Variants in TXLNB observed in about 807,000 individuals in gnomAD.
TXLNB encodes beta-taxilin.
In TXLNB, 37 loss-of-function variants were observed where a neutral mutation model predicts 57.4. The observed-to-expected ratio is 0.64, with a 90% CI of 0.50 to 0.85. TXLNB has a LOEUF of 0.85. Ranked by LOEUF, TXLNB falls within the 40% of genes least tolerant of loss-of-function variation. The pLI, the probability that TXLNB is intolerant of heterozygous loss-of-function variation, is 0.00. For missense variants in TXLNB, 848 were observed against 825.6 expected (o/e 1.03, Z -0.33); for synonymous variants, 302 against 309.6 (o/e 0.98, Z 0.26).
chr6:139,297,187 C>T, the TXLNB span, among the ~76,000 whole-genome samples: 1 of 152,256 alleles, frequency 6.6e-6, no homozygotes, highest in Non-Finnish European at 1.5e-5. Flanking sequence ...CTTCTGGCTT[C>T]CCTAACATTA....
At chr6:139,307,872 A>ATCC in the TXLNB span, among the ~76,000 whole-genome samples, 1 of 152,236 alleles carries the variant, frequency 6.6e-6, no homozygotes, top group Non-Finnish European at 1.5e-5. Flanking sequence ...ATTGATTTTT[A>ATCC]TCCAGACGTG....
the TXLNB span, among the ~76,000 whole-genome samples, chr6:139,221,289 G>A: frequency 6.6e-6 from 1 of 151,582 alleles, no homozygotes; most frequent in Middle Eastern, 3.4e-3. Context: ...TTTTAGTTGG[G>A]ACCCTCAAAC....
the TXLNB span, among the ~76,000 whole-genome samples, chr6:139,230,950 A>C: frequency 1.3e-5 from 2 of 152,164 alleles, no homozygotes; most frequent in African/African-American, 2.4e-5. Context: ...GCATATAACC[A>C]TCACCCTTAC....
At chr6:139,236,666 C>T (rs574446097), downstream of TXLNB, among the ~76,000 whole-genome samples, 3 of 152,260 alleles carry the variant, frequency 2.0e-5, no homozygotes, top group Admixed American at 2.0e-4. Context: ...TTGTGTATTT[C>T]TTCATAGCAG....
chr6:139,259,716 G>A (rs1481545450), intron 6 of TXLNB, among the ~76,000 whole-genome samples: 1 of 152,124 alleles, frequency 6.6e-6, no homozygotes, highest in Non-Finnish European at 1.5e-5. Flanking sequence ...AGTGGGAGAT[G>A]CCCCTTCTCT....
At chr6:139,317,767 G>C in the TXLNB span, among the ~76,000 whole-genome samples, 1 of 151,984 alleles carries the variant, frequency 6.6e-6, no homozygotes, top group Non-Finnish European at 1.5e-5. Context: ...CACAGAACTG[G>C]AATCTATAAA....
At chr6:139,209,733 C>G in the TXLNB span, among the ~76,000 whole-genome samples, 187 of 152,246 alleles carry the variant, frequency 1.2e-3, 1 homozygote, top group African/African-American at 4.2e-3. Flanking sequence ...GGATCAAAGA[C>G]TTAAATGTAA....
chr6:139,202,855 C>T, the TXLNB span, among the ~76,000 whole-genome samples: 3 of 152,122 alleles, frequency 2.0e-5, no homozygotes, highest in Admixed American at 2.0e-4. Flanking sequence ...TCCCTATCAT[C>T]CCTCCCTGCC....
chr6:139,180,970 T>C, the TXLNB span, among the ~76,000 whole-genome samples: 82,610 of 152,022 alleles, frequency 0.54, 23,350 homozygotes, highest in Non-Finnish European at 0.58. Context: ...TGCCAACTTT[T>C]TTGCTGCTTG....
chr6:139,181,514 G>C, the TXLNB span, among the ~76,000 whole-genome samples: 1 of 152,222 alleles, frequency 6.6e-6, no homozygotes, highest in Admixed American at 6.5e-5. Flanking sequence ...CGGTATTGCG[G>C]TGCTTGTATT....
Position 139,288,617 on chromosome 6 carries a change from G to T in TXLNB, c.283C>A (p.Pro95Thr). The T allele has an allele frequency of 6.2e-7, 1 of 1,614,160 alleles. No individual in the cohort carries two copies. The highest frequency in any genetic ancestry group is 8.5e-7 in the Non-Finnish European group (1 of 1,180,026). The change falls in exon 2 of 10, where the codon CCT (proline) becomes ACT (threonine). Residue 95 changes from proline (P) to threonine (T), a missense_variant. By Grantham distance (38) the Pro-to-Thr change is conservative. Coordinates refer to ENST00000358430, the MANE Select transcript of TXLNB (RefSeq NM_153235.4). ...ASEQPENAESPDNEDGDCEET... is the reference protein window; with the variant it reads ...ASEQPENAESTDNEDGDCEET... ...TCACAGTCCCCATCCTCGTTGTCAG[G>T]TGATTCTGCATTCTCAGGCTGCTCA...
At chr6:139,234,439 C>G in the TXLNB span, 1 of 152,376 alleles carries the variant, frequency 6.6e-6, no homozygotes, top group Non-Finnish European at 1.5e-5. Flanking sequence ...CTCTGTGCAG[C>G]CTTGGGACAT....
At chr6:139,166,892 C>T in the TXLNB span, 1 of 1,613,936 alleles carries the variant, frequency 6.2e-7, no homozygotes, top group African/African-American at 1.3e-5. Context: ...CTCCAGATAC[C>T]TCGGGGAGTT....
At chr6:139,216,234 A>G in the TXLNB span, among the ~76,000 whole-genome samples, 1 of 151,588 alleles carries the variant, frequency 6.6e-6, no homozygotes, top group South Asian at 2.1e-4. Context: ...CAAATGTCCA[A>G]CAATGATAGA....
At chr6:139,175,335 A>G in the TXLNB span, among the ~76,000 whole-genome samples, 1 of 152,200 alleles carries the variant, frequency 6.6e-6, no homozygotes, top group Non-Finnish European at 1.5e-5. Context: ...CTGGTTTTTT[A>G]GTACAAATAG....
chr6:139,189,390 GA>G, the TXLNB span, among the ~76,000 whole-genome samples: 1 of 152,140 alleles, frequency 6.6e-6, no homozygotes, highest in Non-Finnish European at 1.5e-5. Flanking sequence ...TATCTAAGAA[GA>G]ATATTTAAAA....
the TXLNB span, among the ~76,000 whole-genome samples, chr6:139,213,511 C>A: frequency 0.041 from 6,197 of 152,066 alleles, 159 homozygotes; most frequent in Admixed American, 0.071. Flanking sequence ...ACTAAATGCC[C>A]ACAAGAGAAA....
chr6:139,233,842 T>G, the TXLNB span, among the ~76,000 whole-genome samples: 1 of 152,228 alleles, frequency 6.6e-6, no homozygotes, highest in Non-Finnish European at 1.5e-5. Context: ...TAAGTGACTT[T>G]GGAACTGGGT....
chr6:139,248,058 A>G (rs970107725), intron 7 of TXLNB, 149 bp from the exon 8 acceptor site: 6 of 465,564 alleles, frequency 1.3e-5, no homozygotes, highest in African/African-American at 1.0e-4. Flanking sequence ...AGTGAGCATG[A>G]TTGAAATGCT....
Sources: allele counts gnomAD v4.1 joint callset (sites outside exome capture counted in the v4.1 genomes callset), GRCh38; gene constraint gnomAD v4.1.1; transcripts MANE v1.5; gene names NCBI Gene and HGNC (gene_info 2026-07-23, HGNC 2026-07-21).